Variants in LGR4 observed in about 807,000 individuals in gnomAD.
LGR4 encodes leucine rich repeat containing G protein-coupled receptor 4.
In LGR4, 44 loss-of-function variants were observed where a neutral mutation model predicts 84.8. That is an observed-to-expected ratio of 0.52 (90% confidence interval 0.41 to 0.67). The LOEUF (loss-of-function observed/expected upper bound fraction) is 0.67, where lower values mean the gene tolerates loss of function less well. LGR4 is among the 30% of genes least tolerant of loss of function. The pLI, the probability that LGR4 is intolerant of heterozygous loss-of-function variation, is 0.00. For missense variants in LGR4, 1,032 were observed against 1,131.4 expected (o/e 0.91, Z 1.26); for synonymous variants, 429 against 434.3 (o/e 0.99, Z 0.15).
chr11:27,426,480 G>A (rs556099784), intron 1 of LGR4, among the ~76,000 whole-genome samples: 2 of 152,122 alleles, frequency 1.3e-5, no homozygotes, highest in Non-Finnish European at 2.9e-5. Context: ...AGAAAGCACA[G>A]TGGTTAACAA....
intron 1 of LGR4, among the ~76,000 whole-genome samples, chr11:27,422,245 T>C (rs1180826918): frequency 1.3e-5 from 2 of 152,228 alleles, no homozygotes; most frequent in Non-Finnish European, 2.9e-5. Flanking sequence ...CAGCATTTAC[T>C]ATGGTAAATA....
At chr11:27,415,457 C>T (rs1275208588) in intron 1 of LGR4, among the ~76,000 whole-genome samples, 11 of 152,112 alleles carry the variant, frequency 7.2e-5, no homozygotes, top group African/African-American at 2.4e-4. Flanking sequence ...AACATGCACA[C>T]ACACACGCAC....
chr11:27,470,166 C>T (rs1242819145), intron 1 of LGR4, among the ~76,000 whole-genome samples: 1 of 152,154 alleles, frequency 6.6e-6, no homozygotes, highest in East Asian at 1.9e-4. Flanking sequence ...CTAGTTTAGG[C>T]ACTCTAATTG....
At chr11:27,396,044 T>G (rs1863386068) in intron 2 of LGR4, among the ~76,000 whole-genome samples, 1 of 152,172 alleles carries the variant, frequency 6.6e-6, no homozygotes, top group African/African-American at 2.4e-5. Context: ...CAAACATTCT[T>G]TCATTTTAAT....
chr11:27,382,098 G>A (rs1863106403), intron 7 of LGR4, 90 bp downstream of exon 7: 1 of 848,432 alleles, frequency 1.2e-6, no homozygotes, highest in Non-Finnish European at 2.0e-6. Context: ...TATACGTAAT[G>A]GAACAAGATG....
At chr11:27,443,717 G>C (rs975675498) in intron 1 of LGR4, among the ~76,000 whole-genome samples, 1 of 152,114 alleles carries the variant, frequency 6.6e-6, no homozygotes, top group African/African-American at 2.4e-5. Flanking sequence ...ATTCATAACA[G>C]GAGTCAGACA....
chr11:27,394,734 C>T (rs1317670646), intron 2 of LGR4, among the ~76,000 whole-genome samples: 1 of 152,150 alleles, frequency 6.6e-6, no homozygotes, highest in East Asian at 1.9e-4. Flanking sequence ...AACTGCAATG[C>T]TGCTCCTCTT....
chr11:27,415,669 T>G (rs1465757297), intron 1 of LGR4, among the ~76,000 whole-genome samples: 1 of 152,176 alleles, frequency 6.6e-6, no homozygotes, highest in Non-Finnish European at 1.5e-5. Context: ...GTTCCCTCTT[T>G]ACAGATGTTT....
intron 1 of LGR4, among the ~76,000 whole-genome samples, chr11:27,447,038 G>C (rs919301953): frequency 1.3e-5 from 2 of 151,302 alleles, no homozygotes; most frequent in Non-Finnish European, 2.9e-5. Context: ...CCTGTCATGG[G>C]GTCAGGGGAG....
At chr11:27,392,032 C>G (rs1329906405) in intron 3 of LGR4, among the ~76,000 whole-genome samples, 1 of 152,200 alleles carries the variant, frequency 6.6e-6, no homozygotes, top group Non-Finnish European at 1.5e-5. Context: ...TTGTAGGCAT[C>G]TGAATTCCCT....
At chr11:27,393,246 A>G (rs1863319051) in intron 2 of LGR4, among the ~76,000 whole-genome samples, 1 of 152,126 alleles carries the variant, frequency 6.6e-6, no homozygotes, top group African/African-American at 2.4e-5. Flanking sequence ...TGAACAGAGG[A>G]TATTAGGGAG....
At position 27,472,355 on chromosome 11, in the gene LGR4, G is replaced by A. The variant is rs1277070691; in HGVS notation, c.-53C>T. 6.8e-6 allele frequency: 8 copies of A among 1,168,848 alleles called. No individual in the cohort carries two copies. The East Asian group carries it at 2.8e-4, about 42-fold the overall frequency. 72.4% of individuals were successfully genotyped at this position (1,168,848 alleles called of 1,614,324 possible). A position where few individuals can be genotyped will look rare whatever the true frequency, so the allele number is the denominator to read the frequency against. On this transcript the variant is annotated 5_prime_UTR_variant, in exon 1 of 18. Transcript: ENST00000379214. ...CTCCCGCGGCGCTGCTCGCTCCGCT[G>A]CCCTCCGATGTCCCCCGCCGCCCCC... is the stretch of plus-strand genomic sequence containing the variant.
At chr11:27,372,174 C>G (rs1862896878) in intron 16 of LGR4, 109 bp downstream of exon 16, 1 of 757,586 alleles carries the variant, frequency 1.3e-6, no homozygotes, top group African/African-American at 1.7e-5. Flanking sequence ...CAGACAATGC[C>G]ATTTTTCTCA....
intron 10 of LGR4, among the ~76,000 whole-genome samples, chr11:27,379,511 T>C (rs1383895941): frequency 6.6e-6 from 1 of 152,218 alleles, no homozygotes; most frequent in African/African-American, 2.4e-5. Context: ...GAGTCAAGTT[T>C]AAACTCCTTA....
rs752672723 is a variant in LGR4, at chr11:27,376,381, AAAG to A, written c.1110-14_1110-12del. On this transcript the variant is annotated splice_polypyrimidine_tract_variant and intron_variant, in intron 12 of 17. Coordinates refer to ENST00000379214, the MANE Select transcript of LGR4 (RefSeq NM_018490.5). ...TTACGCTGTAAAGAACTAAATAAAA[AAAG>A]AAGAAGAAAGAAGACGAAGACAAAG... 9.2e-5 allele frequency: 120 copies of A among 1,306,076 alleles called. No homozygotes were observed. The highest frequency in any genetic ancestry group is 1.8e-4 in the Middle Eastern group (1 of 5,412). 80.9% of individuals were successfully genotyped at this position (1,306,076 alleles called of 1,614,324 possible).
intron 1 of LGR4, among the ~76,000 whole-genome samples, chr11:27,414,376 T>A (rs2133400725): frequency 6.6e-6 from 1 of 151,366 alleles, no homozygotes; most frequent in East Asian, 1.9e-4. Context: ...GAAGAGCACT[T>A]TTGCTTGACA....
At chr11:27,435,968 T>G (rs1484924963) in intron 1 of LGR4, among the ~76,000 whole-genome samples, 3 of 151,668 alleles carry the variant, frequency 2.0e-5, no homozygotes, top group Admixed American at 2.0e-4. Context: ...TGGAGTGCAG[T>G]GGCGCGATCT....
chr11:27,374,762 C>T (rs1017411424), intron 13 of LGR4, among the ~76,000 whole-genome samples: 1 of 152,150 alleles, frequency 6.6e-6, no homozygotes, highest in Admixed American at 6.5e-5. Flanking sequence ...CTTAGTGTCA[C>T]TTATCAGTTT....
At chr11:27,445,822 A>G (rs1208023522) in intron 1 of LGR4, among the ~76,000 whole-genome samples, 1 of 152,132 alleles carries the variant, frequency 6.6e-6, no homozygotes, top group Non-Finnish European at 1.5e-5. Flanking sequence ...GGTTGCAGTG[A>G]GCTGAGATGG....
Sources: allele counts gnomAD v4.1 joint callset (sites outside exome capture counted in the v4.1 genomes callset), GRCh38; gene constraint gnomAD v4.1.1; transcripts MANE v1.5; gene names NCBI Gene and HGNC (gene_info 2026-07-23, HGNC 2026-07-21).